The following ZNF638 variants were observed in gnomAD, a reference collection of about 807,000 sequenced individuals.
The protein encoded by ZNF638 is zinc finger protein 638, also known as CTCL tumor antigen se33-1.
Under a neutral mutation model 195.6 loss-of-function variants are expected in ZNF638, and 46 were observed. That is an observed-to-expected ratio of 0.24 (90% CI 0.19 to 0.30). The LOEUF (loss-of-function observed/expected upper bound fraction) is 0.30, where lower values mean the gene tolerates loss of function less well. Among genes scored for constraint, ZNF638 ranks in the 10% least tolerant of loss-of-function variants. ZNF638 has a pLI of 1.00. For synonymous variants in ZNF638, 845 were observed against 772.0 expected (o/e 1.09, Z -1.57); for missense variants, 2,440 against 2,325.3 (o/e 1.05, Z -1.01).
chr2:71,393,591 C>A lies in ZNF638; in HGVS notation c.2378-2550C>A, dbSNP rs753626083. 9 of 717,924 alleles carry A rather than the reference C, an allele frequency of 1.3e-5. No homozygotes were observed. The South Asian group carries it at 1.3e-4, about 11-fold the overall frequency. The allele number at this position is 717,924 out of a possible 1,614,324, so 44.5% of individuals were successfully genotyped here. A position where few individuals can be genotyped will look rare whatever the true frequency, so the allele number is the denominator to read the frequency against. On this transcript the variant is annotated intron_variant, in intron 10 of 27. Transcript: ENST00000264447. ...CTTACAAGGCTGAGCAAATCCTGCT[C>A]CAGACACAGAAACCATTCACTCCAG...
rs1558886515 is a variant in ZNF638, at chr2:71,426,601, A to T, written c.4732A>T (p.Asn1578Tyr). Residue 1578 changes from asparagine (N) to tyrosine (Y), a missense_variant, in exon 24 of 28, where the codon AAC becomes TAC. This residue lies in a region of ZNF638 where 1,883 missense variants were observed against 1,739.1 expected (regional missense o/e 1.08). Transcript: ENST00000264447. ...CAAAAATGTTCCTTTCTCTGAACTT[A>T]ACTTAAAGAAGAAAAAGGGGAAAAC... ...TLKNVPFSEL[N>Y]LKKKKGKTST... is the part of the protein sequence containing the mutation. 2 of 1,614,198 alleles carry T rather than the reference A, an allele frequency of 1.2e-6. No individual in the cohort carries two copies. Among genetic ancestry groups the T allele is most frequent in the Admixed American group, 3.3e-5 (2 of 60,026 alleles).
At chr2:71,393,723 T>G in intron 10 of ZNF638, 1 of 663,338 alleles carries the variant, frequency 1.5e-6, no homozygotes, top group Non-Finnish European at 2.8e-6. Flanking sequence ...TCTATTGGGC[T>G]CATCTGTTAG....
intron 21 of ZNF638, among the ~76,000 whole-genome samples, chr2:71,421,069 T>C (rs999390496): frequency 6.6e-6 from 1 of 152,170 alleles, no homozygotes; most frequent in Non-Finnish European, 1.5e-5. Flanking sequence ...TCCATTGTTA[T>C]CCTAGCCCCA....
chr2:71,377,001 A>G (rs1403536262), intron 8 of ZNF638, among the ~76,000 whole-genome samples: 3 of 152,246 alleles, frequency 2.0e-5, no homozygotes, highest in East Asian at 1.9e-4. Context: ...AGCCCAGTGC[A>G]GTGGCTCATG....
chr2:71,370,896 C>G (rs1019881029), intron 8 of ZNF638, among the ~76,000 whole-genome samples: 7 of 152,028 alleles, frequency 4.6e-5, no homozygotes, highest in Admixed American at 6.6e-5. Flanking sequence ...ACTATAGTCA[C>G]TCTGTTGCGC....
chr2:71,333,050 C>T (rs1000526763), intron 1 of ZNF638: 4 of 152,114 alleles, frequency 2.6e-5, no homozygotes, highest in Non-Finnish European at 5.9e-5. Flanking sequence ...AAATTGATAA[C>T]CTGGAGAAAA....
Position 71,403,870 on chromosome 2 carries a change from G to A in ZNF638, c.2830G>A (p.Ala944Thr), listed in dbSNP as rs1270331403. 5 of 1,557,276 alleles carry A rather than the reference G, an allele frequency of 3.2e-6. No individual in the cohort carries two copies. Among genetic ancestry groups the A allele is most frequent in the Non-Finnish European group, 3.5e-6 (4 of 1,144,372 alleles). ...GTTACCTTAATTTCTGTTTTAAAAG[G>A]CATATATAGAAATAAATAGAAAAGC... ...DILILSSHKKAYIEINRKAAE... is the reference protein window; with the variant it reads ...DILILSSHKKTYIEINRKAAE... The change falls in exon 17 of 28, where the codon GCA becomes ACA. Residue 944 changes from alanine to threonine, a missense_variant and splice_region_variant. By Grantham distance (58) the Ala-to-Thr change is moderately conservative. This residue lies in a region of ZNF638 where 1,883 missense variants were observed against 1,739.1 expected (regional missense o/e 1.08). Transcript: ENST00000264447.
At chr2:71,389,040 G>C (rs925925955) in intron 10 of ZNF638, among the ~76,000 whole-genome samples, 1 of 152,156 alleles carries the variant, frequency 6.6e-6, no homozygotes, top group East Asian at 1.9e-4. Flanking sequence ...ATGGGCCTTA[G>C]TTAGGGCTGC....
intron 27 of ZNF638, 129 bp downstream of exon 27, chr2:71,433,412 C>T (rs566915785): frequency 4.6e-6 from 3 of 652,750 alleles, no homozygotes; most frequent in Non-Finnish European, 7.9e-6. Flanking sequence ...CCTCTTAAGT[C>T]CTGTTTTCTC....
At chr2:71,418,698 G>A (rs4852783) in intron 21 of ZNF638, 59 bp downstream of exon 21, 662,862 of 1,229,754 alleles carry the variant, frequency 0.54, 186,221 homozygotes, top group Admixed American at 0.63. Flanking sequence ...GAATTTTATT[G>A]CTGTATTTTA....
rs374866968 is a variant in ZNF638, at chr2:71,366,616, C to T, written c.1995+910C>T. ...AAGCAGATCACTGTGATGAGTTTTGCTCTCTAATTGGGAAAATGAATAATC... is the reference window on the plus strand; with the variant it reads ...AAGCAGATCACTGTGATGAGTTTTGTTCTCTAATTGGGAAAATGAATAATC... On this transcript the variant is annotated intron_variant, in intron 6 of 27. Transcript: ENST00000264447. 4.6e-5 allele frequency among the ~76,000 whole-genome samples: 7 copies of T among 152,088 alleles called. No individual in the cohort carries two copies. In the South Asian group the frequency reaches 1.0e-3, roughly 22 times the overall value.
chr2:71,406,477 T>C (rs1483785835), intron 19 of ZNF638, among the ~76,000 whole-genome samples: 1 of 152,060 alleles, frequency 6.6e-6, no homozygotes, highest in African/African-American at 2.4e-5. Flanking sequence ...TAAGGAAAAA[T>C]AAGACTTACG....
At chr2:71,345,978 A>G (rs1027126949) in intron 1 of ZNF638, among the ~76,000 whole-genome samples, 1 of 152,186 alleles carries the variant, frequency 6.6e-6, no homozygotes, top group East Asian at 1.9e-4. Context: ...ACCTTCTATA[A>G]ATGTGTACTT....
chr2:71,363,210 A>G lies in ZNF638; in HGVS notation c.1418+19A>G. Reference sequence around the variant, plus strand: ...CGAGAAGGTAATTTTTAAAAATAGTAATATTATTAAAACCTGATTGTCTTT... The same window carrying G: ...CGAGAAGGTAATTTTTAAAAATAGTGATATTATTAAAACCTGATTGTCTTT... On this transcript the variant is annotated intron_variant, in intron 4 of 27. Coordinates refer to ENST00000264447, the MANE Select transcript of ZNF638 (RefSeq NM_014497.5). 6 of 1,523,752 alleles carry G rather than the reference A, an allele frequency of 3.9e-6. No individual in the cohort carries two copies. The highest frequency in any genetic ancestry group is 5.4e-6 in the Non-Finnish European group (6 of 1,112,516). 94.4% of individuals were successfully genotyped at this position (1,523,752 alleles called of 1,614,324 possible). A position where few individuals can be genotyped will look rare whatever the true frequency, so the allele number is the denominator to read the frequency against.
At chr2:71,379,984 CA>C (rs1320013613) in intron 8 of ZNF638, 3 of 308,740 alleles carry the variant, frequency 9.7e-6, no homozygotes, top group African/African-American at 4.4e-5. Context: ...AGGCATCCAC[CA>C]GGGGTCTTGG....
intron 26 of ZNF638, among the ~76,000 whole-genome samples, chr2:71,432,689 CT>C (rs1316675356): frequency 6.8e-6 from 1 of 147,866 alleles, no homozygotes; most frequent in Admixed American, 6.6e-5. Context: ...GAAATAAAGA[CT>C]TACGTTTTCT....
intron 26 of ZNF638, 32 bp downstream of exon 26, chr2:71,431,460 A>G (rs778200874): frequency 5.6e-6 from 9 of 1,602,984 alleles, no homozygotes; most frequent in East Asian, 2.2e-5. Flanking sequence ...TTTCTTACCC[A>G]TATGAAATTT....
Position 71,348,830 on chromosome 2 carries a change from G to A in ZNF638, c.-125G>A. 1 of 1,602,378 alleles carries A rather than the reference G, an allele frequency of 6.2e-7. No homozygotes were observed. The highest frequency in any genetic ancestry group is 8.5e-7 in the Non-Finnish European group (1 of 1,177,102). The stretch of plus-strand genomic sequence containing the variant: ...GGCATTGCAAACCCACTTCTGTTGG[G>A]CCCATCTCCTTTGCACTTTGCTCAG... On this transcript the variant is annotated 5_prime_UTR_variant, in exon 2 of 28. Transcript: ENST00000264447.
rs60460843 is a variant in ZNF638, at chr2:71,352,372, G to A, written c.1317+2101G>A. ...GCGCACCTGTAATTCCAGCTACTCA[G>A]GAGGCTGAGGCAGAGAATCGCTTGA... On this transcript the variant is annotated intron_variant, in intron 2 of 27. Transcript: ENST00000264447. Among the ~76,000 whole-genome samples, 7,851 of 151,910 alleles carry A rather than the reference G, an allele frequency of 0.052. 953 individuals carry two copies. The East Asian group carries it at 0.56, about 11-fold the overall frequency.
Sources: gnomAD v4.1 joint callset for allele counts (sites outside exome capture counted in the v4.1 genomes callset) on GRCh38, gnomAD v4.1.1 for gene constraint, gnomAD v4.1.1 regional missense constraint, MANE v1.5 for transcripts, NCBI Gene and HGNC (gene_info 2026-07-23, HGNC 2026-07-21) for gene names.